The following SMOC2 variants were observed in gnomAD, a reference collection of about 807,000 sequenced individuals.
The protein encoded by SMOC2 is SPARC related modular calcium binding 2, also known as SPARC-related modular calcium-binding protein 2.
A neutral mutation model predicts 61.4 loss-of-function variants in SMOC2; 39 were observed. The ratio of observed to expected loss-of-function variants is 0.64; its 90% CI spans 0.49 to 0.83. SMOC2 has a LOEUF of 0.83. Ranked by LOEUF, SMOC2 falls within the 40% of genes least tolerant of loss-of-function variation. The pLI is 0.00. For synonymous variants in SMOC2, 247 were observed against 239.9 expected (o/e 1.03, Z -0.27); for missense variants, 556 against 592.9 (o/e 0.94, Z 0.65).
chr6:168,491,068 A>G (rs1456298245), intron 1 of SMOC2, among the ~76,000 whole-genome samples: 1 of 152,012 alleles, frequency 6.6e-6, no homozygotes, highest in African/African-American at 2.4e-5. Context: ...TCTCTCATTA[A>G]AAGGTGACCC....
intron 7 of SMOC2, among the ~76,000 whole-genome samples, chr6:168,557,075 CT>C (rs1383635513): frequency 6.6e-6 from 1 of 152,004 alleles, no homozygotes; most frequent in Non-Finnish European, 1.5e-5. Context: ...AGATAATTAT[CT>C]TTTGATTCTG....
intron 7 of SMOC2, among the ~76,000 whole-genome samples, chr6:168,554,493 C>T (rs1392778690): frequency 1.3e-5 from 2 of 152,216 alleles, no homozygotes; most frequent in African/African-American, 2.4e-5. Context: ...GGCTCCTGGG[C>T]TCCTGGGCAG....
chr6:168,464,186 CAAAAAAAA>C, intron 1 of SMOC2, among the ~76,000 whole-genome samples: 1 of 112,374 alleles, frequency 8.9e-6, no homozygotes, highest in Admixed American at 9.6e-5. Context: ...GCAAGACTGT[CAAAAAAAA>C]AAAAAAAAGA....
At chr6:168,490,849 G>A (rs569431406) in intron 1 of SMOC2, among the ~76,000 whole-genome samples, 4 of 152,344 alleles carry the variant, frequency 2.6e-5, no homozygotes, top group South Asian at 2.1e-4. Flanking sequence ...GCTCAGCACT[G>A]AGTGGGGCAG....
At chr6:168,588,791 T>C (rs1785105634) in intron 7 of SMOC2, among the ~76,000 whole-genome samples, 1 of 152,218 alleles carries the variant, frequency 6.6e-6, no homozygotes, top group Non-Finnish European at 1.5e-5. Flanking sequence ...TTAAATTTGC[T>C]TAACATAGAA....
At chr6:168,622,600 A>G (rs1259486866) in intron 9 of SMOC2, among the ~76,000 whole-genome samples, 2 of 151,996 alleles carry the variant, frequency 1.3e-5, no homozygotes, top group East Asian at 3.9e-4. Context: ...CTTCCTGACC[A>G]CTTAACTAAC....
At chr6:168,460,992 G>C (rs868722414) in intron 1 of SMOC2, among the ~76,000 whole-genome samples, 8 of 152,212 alleles carry the variant, frequency 5.3e-5, no homozygotes, top group Admixed American at 4.6e-4. Context: ...GAAGTGCCCA[G>C]GCTTTAGGCA....
chr6:168,659,663 A>G, intron 11 of SMOC2, among the ~76,000 whole-genome samples: 1 of 79,548 alleles, frequency 1.3e-5, no homozygotes, highest in Non-Finnish European at 2.7e-5. Flanking sequence ...TGGAGGTTGT[A>G]GGCTGGGTGA....
chr6:168,650,470 C>T (rs762149899), intron 9 of SMOC2, among the ~76,000 whole-genome samples: 6 of 152,112 alleles, frequency 3.9e-5, no homozygotes, highest in African/African-American at 1.2e-4. Flanking sequence ...TTTAGTCTCA[C>T]GTAATAATTC....
At chr6:168,558,900 T>C (rs930559830) in intron 7 of SMOC2, among the ~76,000 whole-genome samples, 6 of 152,076 alleles carry the variant, frequency 3.9e-5, no homozygotes, top group African/African-American at 1.4e-4. Context: ...TGTGCATGTG[T>C]GTGCACGTGT....
rs1037451151 is a variant in SMOC2, at chr6:168,515,452, G to T, written c.256+5366G>T. Among the ~76,000 whole-genome samples the T allele has an allele frequency of 1.1e-4, 3 of 28,048 alleles. No homozygotes were observed. In the East Asian group the frequency reaches 0.15, roughly 1,402 times the overall value. The allele number at this position is 28,048 out of a possible 152,430, so 18.4% of individuals were successfully genotyped here. A position where few individuals can be genotyped will look rare whatever the true frequency, so the allele number is the denominator to read the frequency against. ...GGCTGGGCTCGGAGAGGCTCCGTCC[G>T]CTTTCCGCTCCACGAGTTGCCTCCA... is the stretch of plus-strand genomic sequence containing the variant. On this transcript the variant is annotated intron_variant, in intron 2 of 12. Transcript: ENST00000356284.
intron 1 of SMOC2, among the ~76,000 whole-genome samples, chr6:168,449,208 T>C (rs1001499494): frequency 6.6e-6 from 1 of 152,148 alleles, no homozygotes; most frequent in Non-Finnish European, 1.5e-5. Context: ...CTTGCCCCCT[T>C]ATTCCTCTGC....
intron 7 of SMOC2, among the ~76,000 whole-genome samples, chr6:168,568,010 A>G (rs1261755635): frequency 6.7e-6 from 1 of 150,326 alleles, no homozygotes; most frequent in Non-Finnish European, 1.5e-5. Flanking sequence ...GGTGTCTCAT[A>G]TTAGAATTTA....
rs1562332104 is a variant in SMOC2, at chr6:168,532,436, CCCT to C, written c.463+4712_463+4714del. On this transcript the variant is annotated intron_variant, in intron 4 of 12. Transcript: ENST00000356284. ...TCTTTTCTTCCTCACCACCCTCCCC[CCCT>C]CCCCCACAAAGATTTGAAGCCTAAC... is the stretch of plus-strand genomic sequence containing the variant. Among the ~76,000 whole-genome samples the C allele has an allele frequency of 2.2e-3, 337 of 152,252 alleles. 2 individuals are homozygous for C. The highest frequency in any genetic ancestry group is 7.9e-3 in the African/African-American group (327 of 41,532).
chr6:168,534,457 A>C lies in SMOC2; in HGVS notation c.463+6730A>C, dbSNP rs9346554. On this transcript the variant is annotated intron_variant, in intron 4 of 12. Coordinates refer to ENST00000356284, the MANE Select transcript of SMOC2 (RefSeq NM_001166412.2). ...TCTGCCAGGGCCCGGACTGGAAGTC[A>C]GGTTCCCCTGCGTCCCGCCCTGGCC... Among the ~76,000 whole-genome samples the C allele has an allele frequency of 5.8e-3, 882 of 152,372 alleles. 10 individuals carry two copies. Among genetic ancestry groups the C allele is most frequent in the East Asian group, 0.031 (161 of 5,178 alleles).
chr6:168,523,679 A>G (rs1040445990), intron 2 of SMOC2, among the ~76,000 whole-genome samples: 4 of 152,084 alleles, frequency 2.6e-5, no homozygotes, highest in Admixed American at 6.6e-5. Flanking sequence ...GATTACAGGC[A>G]TCAACCTCCG....
At chr6:168,644,228 C>T (rs997873711) in intron 9 of SMOC2, among the ~76,000 whole-genome samples, 53 of 152,232 alleles carry the variant, frequency 3.5e-4, no homozygotes, top group Non-Finnish European at 1.8e-4. Flanking sequence ...GACATGGCTT[C>T]GGGACCCCTC....
intron 7 of SMOC2, among the ~76,000 whole-genome samples, chr6:168,591,766 A>AAT (rs1395820065): frequency 1.3e-5 from 2 of 151,846 alleles, no homozygotes; most frequent in Non-Finnish European, 2.9e-5. Flanking sequence ...TTTATACATT[A>AAT]ACTCCTCAAA....
At chr6:168,653,320 T>C (rs1263236142) in intron 11 of SMOC2, 92 bp downstream of exon 11, 9 of 1,478,554 alleles carry the variant, frequency 6.1e-6, no homozygotes, top group Middle Eastern at 1.9e-4. Flanking sequence ...AGATTGTGTT[T>C]ATGGCCTGGG....
Sources: allele counts gnomAD v4.1 joint callset (sites outside exome capture counted in the v4.1 genomes callset), GRCh38; gene constraint gnomAD v4.1.1; transcripts MANE v1.5; gene names NCBI Gene and HGNC (gene_info 2026-07-23, HGNC 2026-07-21).